Variants in SGCZ observed in about 807,000 individuals in gnomAD.
SGCZ encodes the protein zeta-sarcoglycan.
Under a neutral mutation model 41.3 loss-of-function variants are expected in SGCZ, and 40 were observed. The observed-to-expected ratio is 0.97, with a 90% CI of 0.75 to 1.26. SGCZ has a LOEUF of 1.26. Ranked by LOEUF, SGCZ falls within the 50% of genes most tolerant of loss-of-function variation. The probability of loss-of-function intolerance (pLI) is 0.00; values close to 1 mark genes in which losing one functional copy is unlikely to be tolerated. For synonymous variants in SGCZ, 206 were observed against 137.5 expected (o/e 1.50, Z -3.49); for missense variants, 552 against 369.8 (o/e 1.49, Z -4.04).
chr8:14,584,486 T>C (rs977987725), intron 1 of SGCZ, among the ~76,000 whole-genome samples: 2 of 152,116 alleles, frequency 1.3e-5, no homozygotes. Context: ...TGACTACATA[T>C]ATGCCATTAA....
At chr8:14,196,631 T>A (rs1354439880) in intron 4 of SGCZ, among the ~76,000 whole-genome samples, 1 of 152,170 alleles carries the variant, frequency 6.6e-6, no homozygotes, top group African/African-American at 2.4e-5. Context: ...CTGAAAATGA[T>A]CTATATGTTC....
chr8:14,632,463 C>A (rs917832103), intron 1 of SGCZ, among the ~76,000 whole-genome samples: 2 of 152,038 alleles, frequency 1.3e-5, no homozygotes, highest in Non-Finnish European at 2.9e-5. Flanking sequence ...TAAACTGAAG[C>A]AATTCACTGC....
At chr8:15,087,278 C>G (rs1423950414) in intron 1 of SGCZ, among the ~76,000 whole-genome samples, 1 of 151,974 alleles carries the variant, frequency 6.6e-6, no homozygotes, top group Non-Finnish European at 1.5e-5. Flanking sequence ...CATTAAGAGG[C>G]TCAGGAACAT....
At chr8:14,436,699 C>G (rs996069226) in intron 2 of SGCZ, among the ~76,000 whole-genome samples, 1 of 152,164 alleles carries the variant, frequency 6.6e-6, no homozygotes, top group Non-Finnish European at 1.5e-5. Context: ...GTAACAGTTA[C>G]TAATTTCATT....
At chr8:14,446,165 A>G (rs1023372341) in intron 2 of SGCZ, among the ~76,000 whole-genome samples, 1 of 152,184 alleles carries the variant, frequency 6.6e-6, no homozygotes, top group Non-Finnish European at 1.5e-5. Context: ...ACCAGCTCCA[A>G]TAACTGAATC....
At chr8:14,317,086 T>C (rs6981825) in intron 3 of SGCZ, among the ~76,000 whole-genome samples, 152,050 of 152,182 alleles carry the variant, frequency 1, 75,959 homozygotes, top group Non-Finnish European at 1. Context: ...AATCCTTTGA[T>C]TCTACTTTTG....
chr8:15,216,397 T>G (rs935398703), intron 1 of SGCZ, among the ~76,000 whole-genome samples: 3 of 151,868 alleles, frequency 2.0e-5, no homozygotes, highest in Non-Finnish European at 4.4e-5. Context: ...CTTTTTTATA[T>G]TTTTAGTAGA....
intron 4 of SGCZ, among the ~76,000 whole-genome samples, chr8:14,225,905 T>G (rs117184853): frequency 0.022 from 3,277 of 152,222 alleles, 66 homozygotes; most frequent in Middle Eastern, 0.078. Context: ...TTATTATACA[T>G]TTTATGATAC....
At chr8:15,133,412 A>T (rs1349948470) in intron 1 of SGCZ, among the ~76,000 whole-genome samples, 1 of 152,178 alleles carries the variant, frequency 6.6e-6, no homozygotes, top group Non-Finnish European at 1.5e-5. Flanking sequence ...TCTACAGGTC[A>T]TGATTTCATA....
intron 1 of SGCZ, among the ~76,000 whole-genome samples, chr8:14,938,701 C>G (rs925304885): frequency 5.3e-5 from 8 of 152,072 alleles, no homozygotes; most frequent in African/African-American, 1.9e-4. Flanking sequence ...CCTTTTGCAG[C>G]AACTTGGATG....
chr8:14,470,578 T>G (rs898570417), intron 2 of SGCZ, among the ~76,000 whole-genome samples: 3 of 152,152 alleles, frequency 2.0e-5, no homozygotes, highest in African/African-American at 7.2e-5. Flanking sequence ...CTTGAAAAAA[T>G]CATGTTTAGG....
rs116485448 is a variant in SGCZ, at chr8:14,665,736, A to G, written c.40-110810T>C. ...ATACAACCAACCAAGAAAAAAGAAG[A>G]TGCATCTATATTTTCTTCTTCTATT... On this transcript the variant is annotated intron_variant, in intron 1 of 7. Transcript: ENST00000382080. Among the ~76,000 whole-genome samples the G allele has an allele frequency of 2.2e-3, 334 of 152,288 alleles. 3 individuals carry two copies. The highest frequency in any genetic ancestry group is 7.8e-3 in the African/African-American group (325 of 41,572).
At chr8:15,177,196 T>G (rs73533484) in intron 1 of SGCZ, among the ~76,000 whole-genome samples, 639 of 152,166 alleles carry the variant, frequency 4.2e-3, no homozygotes, top group African/African-American at 0.014. Flanking sequence ...AAAGACAGAA[T>G]AGCGAACATG....
chr8:15,082,206 G>T (rs143290978), intron 1 of SGCZ, among the ~76,000 whole-genome samples: 2 of 151,684 alleles, frequency 1.3e-5, no homozygotes, highest in East Asian at 1.9e-4. Context: ...CCCAGCCTGG[G>T]CAACATAGCG....
At chr8:14,254,446 G>A (rs1042808198) in intron 3 of SGCZ, among the ~76,000 whole-genome samples, 4 of 152,186 alleles carry the variant, frequency 2.6e-5, no homozygotes, top group Non-Finnish European at 5.9e-5. Flanking sequence ...CCAGGTGTAG[G>A]TAGAGCATTA....
chr8:14,796,717 G>C (rs1801143132), intron 1 of SGCZ, among the ~76,000 whole-genome samples: 1 of 152,142 alleles, frequency 6.6e-6, no homozygotes, highest in Non-Finnish European at 1.5e-5. Flanking sequence ...TGTCAAAACT[G>C]TATTAGCCAT....
chr8:14,710,028 T>C (rs927852949), intron 1 of SGCZ, among the ~76,000 whole-genome samples: 5 of 152,112 alleles, frequency 3.3e-5, no homozygotes, highest in African/African-American at 4.8e-5. Flanking sequence ...CTCCCTTCTG[T>C]CACAAGTCAG....
chr8:14,479,896 C>G (rs7813756), intron 2 of SGCZ, among the ~76,000 whole-genome samples: 137,806 of 152,044 alleles, frequency 0.91, 63,779 homozygotes, highest in East Asian at 1. Flanking sequence ...CAGGCGTGCA[C>G]TAGCACGCTC....
At chr8:14,182,574 A>G (rs1178430506) in intron 4 of SGCZ, among the ~76,000 whole-genome samples, 1 of 152,204 alleles carries the variant, frequency 6.6e-6, no homozygotes, top group Non-Finnish European at 1.5e-5. Context: ...AGGGAAGAGA[A>G]TATTATAGTA....
Sources: allele counts gnomAD v4.1 joint callset (sites outside exome capture counted in the v4.1 genomes callset), GRCh38; gene constraint gnomAD v4.1.1; transcripts MANE v1.5; gene names NCBI Gene and HGNC (gene_info 2026-07-23, HGNC 2026-07-21).